TUSC3: variants seen among roughly 807,000 people sequenced by gnomAD.
The protein encoded by TUSC3 is dolichyl-diphosphooligosaccharide--protein glycosyltransferase subunit TUSC3.
Under a neutral mutation model 44.8 loss-of-function variants are expected in TUSC3, and 45 were observed. That is an observed-to-expected ratio of 1.00 (90% CI 0.79 to 1.29). The LOEUF (loss-of-function observed/expected upper bound fraction) is 1.29, where lower values mean the gene tolerates loss of function less well. TUSC3 is among the 50% of genes most tolerant of loss of function. The pLI is 0.00. For missense variants in TUSC3, 519 were observed against 437.9 expected (o/e 1.19, Z -1.65); for synonymous variants, 212 against 152.9 (o/e 1.39, Z -2.85).
the TUSC3 span, among the ~76,000 whole-genome samples, chr8:15,825,747 T>C: frequency 8.8e-4 from 132 of 149,938 alleles, no homozygotes; most frequent in African/African-American, 3.1e-3. Flanking sequence ...AAAGCAGAGA[T>C]TACCTCCTAT....
chr8:15,611,529 A>G (rs1357362521), intron 1 of TUSC3, among the ~76,000 whole-genome samples: 1 of 152,122 alleles, frequency 6.6e-6, no homozygotes, highest in African/African-American at 2.4e-5. Flanking sequence ...TTTCTGATGG[A>G]TTGCTGATTA....
chr8:15,498,400 A>C (rs1422233318), intron 2 of TUSC3, among the ~76,000 whole-genome samples: 2 of 152,184 alleles, frequency 1.3e-5, no homozygotes, highest in Non-Finnish European at 2.9e-5. Context: ...GAATAGAAGA[A>C]TAGATGTATT....
chr8:15,776,863 A>T, the TUSC3 span, among the ~76,000 whole-genome samples: 1 of 152,168 alleles, frequency 6.6e-6, no homozygotes. Flanking sequence ...TATGTGAAAG[A>T]AACAGGGTAA....
chr8:15,787,802 C>A, the TUSC3 span, among the ~76,000 whole-genome samples: 1 of 152,204 alleles, frequency 6.6e-6, no homozygotes, highest in Non-Finnish European at 1.5e-5. Context: ...GATATTAAGA[C>A]CGTTCACGTA....
chr8:15,578,964 T>C (rs1464579078), intron 1 of TUSC3, among the ~76,000 whole-genome samples: 1 of 152,168 alleles, frequency 6.6e-6, no homozygotes, highest in Non-Finnish European at 1.5e-5. Context: ...TTTTGGCTGG[T>C]AAGCTATTGA....
chr8:15,841,999 C>G, the TUSC3 span, among the ~76,000 whole-genome samples: 4 of 152,270 alleles, frequency 2.6e-5, no homozygotes, highest in East Asian at 7.7e-4. Flanking sequence ...TTGAATTAAA[C>G]ATAACCTATA....
chr8:15,807,990 G>T, the TUSC3 span, among the ~76,000 whole-genome samples: 42 of 45,484 alleles, frequency 9.2e-4, no homozygotes, highest in African/African-American at 3.1e-3. Context: ...TCACATACCT[G>T]TATATGTACC....
intron 2 of TUSC3, among the ~76,000 whole-genome samples, chr8:15,502,178 CTA>C (rs1367334768): frequency 6.6e-6 from 1 of 152,172 alleles, no homozygotes; most frequent in Non-Finnish European, 1.5e-5. Context: ...AAATTGCAAA[CTA>C]TGATTTTTGT....
chr8:15,482,196 A>T (rs1293516672), intron 1 of TUSC3, among the ~76,000 whole-genome samples: 1 of 152,120 alleles, frequency 6.6e-6, no homozygotes, highest in Admixed American at 6.5e-5. Flanking sequence ...CTCAGGCTCC[A>T]CTTCTAGTTC....
rs908564357 is a variant in TUSC3 at position 15,671,037 on chromosome 8, A to G, written c.709-2710A>G. On this transcript the variant is annotated intron_variant, in intron 5 of 10. Transcript: ENST00000503731. ...ACACAGAGGCTCACAGCTAATACCAATAATTGGTAAAGATGGATATCAAGT... is the reference window on the plus strand; with the variant it reads ...ACACAGAGGCTCACAGCTAATACCAGTAATTGGTAAAGATGGATATCAAGT... Among the ~76,000 whole-genome samples the G allele has an allele frequency of 2.1e-4, 32 of 152,056 alleles. 1 individual carries two copies. The highest frequency in any genetic ancestry group is 7.0e-4 in the African/African-American group (29 of 41,532).
intron 1 of TUSC3, among the ~76,000 whole-genome samples, chr8:15,608,664 C>T (rs920877295): frequency 1.3e-5 from 2 of 152,076 alleles, no homozygotes; most frequent in African/African-American, 4.8e-5. Flanking sequence ...CTCGTGAGAT[C>T]CGATGGTTTT....
At chr8:15,832,227 C>A in the TUSC3 span, among the ~76,000 whole-genome samples, 1 of 152,134 alleles carries the variant, frequency 6.6e-6, no homozygotes, top group Admixed American at 6.6e-5. Context: ...AAGATCCTTT[C>A]TAGGCAAGCA....
the TUSC3 span, among the ~76,000 whole-genome samples, chr8:15,822,044 C>A: frequency 6.6e-6 from 1 of 152,016 alleles, no homozygotes; most frequent in South Asian, 2.1e-4. Context: ...TCTAGATGCC[C>A]TTAAAATCCA....
At chr8:15,798,260 A>G in the TUSC3 span, among the ~76,000 whole-genome samples, 1 of 152,214 alleles carries the variant, frequency 6.6e-6, no homozygotes, top group Non-Finnish European at 1.5e-5. Context: ...TTCTTTTCGC[A>G]CAGTGAACAC....
At chr8:15,665,769 G>A (rs902950682) in intron 5 of TUSC3, among the ~76,000 whole-genome samples, 1 of 151,218 alleles carries the variant, frequency 6.6e-6, no homozygotes, top group African/African-American at 2.4e-5. Flanking sequence ...GAATTTCCTG[G>A]TTCTTAGTTT....
At chr8:15,495,190 C>A (rs1370436726) in intron 2 of TUSC3, among the ~76,000 whole-genome samples, 1 of 152,136 alleles carries the variant, frequency 6.6e-6, no homozygotes, top group African/African-American at 2.4e-5. Context: ...TATCTTCCAC[C>A]CTTTAGATAA....
intron 2 of TUSC3, among the ~76,000 whole-genome samples, chr8:15,505,454 C>T (rs931851953): frequency 2.0e-5 from 3 of 152,198 alleles, no homozygotes; most frequent in Admixed American, 6.5e-5. Flanking sequence ...ATAACCTTAG[C>T]ACCATTTTTA....
intron 1 of TUSC3, among the ~76,000 whole-genome samples, chr8:15,420,536 T>A (rs866566684): frequency 6.6e-6 from 1 of 152,024 alleles, no homozygotes; most frequent in East Asian, 1.9e-4. Flanking sequence ...TCTGCTTCTG[T>A]ATGAAACAAA....
At chr8:15,422,898 C>T (rs1001515005) in intron 1 of TUSC3, among the ~76,000 whole-genome samples, 31 of 152,118 alleles carry the variant, frequency 2.0e-4, no homozygotes, top group African/African-American at 7.5e-4. Flanking sequence ...CCAACTCGGC[C>T]TCCCAAAGTG....
Sources: gnomAD v4.1 joint callset for allele counts (sites outside exome capture counted in the v4.1 genomes callset) on GRCh38, gnomAD v4.1.1 for gene constraint, MANE v1.5 for transcripts, NCBI Gene and HGNC (gene_info 2026-07-23, HGNC 2026-07-21) for gene names.